The following COL23A1 variants were observed in gnomAD, a reference collection of about 807,000 sequenced individuals.
The protein encoded by COL23A1 is collagen type XXIII alpha 1 chain.
COL23A1 carries 97 observed loss-of-function variants against 99.3 expected under a neutral mutation model. That is an observed-to-expected ratio of 0.98 (90% confidence interval 0.83 to 1.16). The LOEUF (loss-of-function observed/expected upper bound fraction) is 1.16, where lower values mean the gene tolerates loss of function less well. Ranked by LOEUF, COL23A1 falls within the 50% of genes most tolerant of loss-of-function variation. COL23A1 has a pLI of 0.00. For missense variants in COL23A1, 762 were observed against 757.4 expected, an observed-to-expected ratio of 1.01 and a Z score of -0.07; for synonymous variants, 320 against 308.2, an observed-to-expected ratio of 1.04 and a Z score of -0.40.
Position 178,268,748 on chromosome 5 carries a change from TG to T in COL23A1, c.476del (p.Pro159GlnfsTer150), listed in dbSNP as rs1756051449. 2 of 1,603,528 alleles carry T rather than the reference TG, an allele frequency of 1.2e-6. No homozygotes were observed. The highest frequency in any genetic ancestry group is 2.2e-5 in the East Asian group (1 of 44,536). ...CACTTACCTTTTCCCCTTTCGGGCC[TG>T]GAAGTCCCTGGAAAAGGAAAGTGGA... Reference protein sequence around the residue: ...PLGLDGKPGLPGPKGEKGAPG... With the variant: ...PLGLDGKPGLXGPKGEKGAPG... On this transcript the variant is annotated frameshift_variant, in exon 7 of 29. Transcript: ENST00000390654. LOFTEE classifies it high-confidence loss of function.
At chr5:178,257,594 C>G (rs1470281896) in intron 12 of COL23A1, 27 bp from the exon 13 acceptor site, 1 of 1,551,814 alleles carries the variant, frequency 6.4e-7, no homozygotes, top group Non-Finnish European at 8.7e-7. Flanking sequence ...TGGGGCTTGC[C>G]GGTCAGACCC....
At position 178,544,663 on chromosome 5, in the gene COL23A1, G is replaced by A. The variant is rs115859817; in HGVS notation, c.361+16019C>T. 6.7e-3 allele frequency among the ~76,000 whole-genome samples: 1,017 copies of A among 152,290 alleles called. 13 individuals carry two copies. The highest frequency in any genetic ancestry group is 0.023 in the African/African-American group (940 of 41,552). On this transcript the variant is annotated intron_variant, in intron 2 of 28. Transcript: ENST00000390654. The surrounding 1 kb of genome is among the most constrained non-coding windows in gnomAD (Gnocchi z 4.4). ...GTGAGACGGGCGGTGCCACAAATGG[G>A]AGGTGACGATCAGGGGCGGTCACCT...
rs986384972 is a variant in COL23A1 at position 178,291,037 on chromosome 5, T to C, written c.407-668A>G. ...TGAGAGGTCTGATGAACATCTCCAC[T>C]GGACAGCTGATAACGCAGAGGCTCA... On this transcript the variant is annotated intron_variant, in intron 3 of 28. Transcript: ENST00000390654. Among the ~76,000 whole-genome samples, 3 of 152,232 alleles carry C rather than the reference T, an allele frequency of 2.0e-5. No homozygotes were observed. The East Asian group carries it at 5.8e-4, about 29-fold the overall frequency.
chr5:178,514,307 T>C (rs1344453430), intron 2 of COL23A1, among the ~76,000 whole-genome samples: 1 of 152,228 alleles, frequency 6.6e-6, no homozygotes, highest in Non-Finnish European at 1.5e-5. Flanking sequence ...CGCTTATCCC[T>C]TCTTCCATCA....
chr5:178,511,727 C>CA (rs1351439033), intron 2 of COL23A1, among the ~76,000 whole-genome samples: 8 of 152,170 alleles, frequency 5.3e-5, no homozygotes, highest in Admixed American at 2.0e-4. Flanking sequence ...ACAGGACCCC[C>CA]AAGCAGCTCC....
At chr5:178,431,144 C>G (rs1188377516) in intron 2 of COL23A1, among the ~76,000 whole-genome samples, 1 of 152,152 alleles carries the variant, frequency 6.6e-6, no homozygotes, top group South Asian at 2.1e-4. Context: ...GCTGAGGATG[C>G]TGAATGACAG....
intron 3 of COL23A1, among the ~76,000 whole-genome samples, chr5:178,293,109 G>A (rs556577683): frequency 6.6e-6 from 1 of 152,128 alleles, no homozygotes; most frequent in Non-Finnish European, 1.5e-5. Flanking sequence ...CTGCAAAGGG[G>A]AGGAAATGAA....
At chr5:178,466,109 G>A (rs912818939) in intron 2 of COL23A1, among the ~76,000 whole-genome samples, 13 of 152,228 alleles carry the variant, frequency 8.5e-5, no homozygotes, top group African/African-American at 2.2e-4. Context: ...CCTCCAAGCC[G>A]TGGGCCTCAG....
chr5:178,278,465 C>T (rs1384628818), intron 5 of COL23A1, among the ~76,000 whole-genome samples: 2 of 152,260 alleles, frequency 1.3e-5, no homozygotes, highest in South Asian at 2.1e-4. Context: ...GTGATGACTG[C>T]ATGTGCGGAA....
In COL23A1 at chr5:178,357,778, A is replaced by ATGTG. The variant is rs1554144847; in HGVS notation, c.362-50863_362-50860dup. Among the ~76,000 whole-genome samples the ATGTG allele has an allele frequency of 3.9e-4, 54 of 137,484 alleles. 1 individual carries two copies. Among genetic ancestry groups the ATGTG allele is most frequent in the Non-Finnish European group, 8.2e-4 (51 of 62,410 alleles). The allele number at this position is 137,484 out of a possible 152,430, so 90.2% of individuals were successfully genotyped here. A position where few individuals can be genotyped will look rare whatever the true frequency, so the allele number is the denominator to read the frequency against. ...TGTGTGTACGTGTATGTATGTGTGT[A>ATGTG]TGTGTATGTGTGTGTGTATGTGTGT... On this transcript the variant is annotated intron_variant, in intron 2 of 28. Transcript: ENST00000390654.
intron 1 of COL23A1, among the ~76,000 whole-genome samples, chr5:178,562,893 A>G (rs1762673011): frequency 6.6e-6 from 1 of 152,150 alleles, no homozygotes; most frequent in African/African-American, 2.4e-5. Context: ...GTGCATTTTT[A>G]CAGAGCACTG....
chr5:178,485,580 C>T (rs1253553976), intron 2 of COL23A1, among the ~76,000 whole-genome samples: 1 of 152,108 alleles, frequency 6.6e-6, no homozygotes, highest in Non-Finnish European at 1.5e-5. Context: ...CGAGACCAGC[C>T]TGGCCAACAT....
chr5:178,580,579 C>T (rs1339213005), intron 1 of COL23A1, among the ~76,000 whole-genome samples: 1 of 152,104 alleles, frequency 6.6e-6, no homozygotes, highest in South Asian at 2.1e-4. Flanking sequence ...CCTGATTCAA[C>T]ACATGATGAA....
At chr5:178,254,503 A>G (rs1460254588) in intron 16 of COL23A1, among the ~76,000 whole-genome samples, 1 of 152,102 alleles carries the variant, frequency 6.6e-6, no homozygotes, top group Non-Finnish European at 1.5e-5. Flanking sequence ...ACTGGTGGTA[A>G]GTCCCAAGTT....
chr5:178,298,916 C>T (rs1158375613), intron 3 of COL23A1, among the ~76,000 whole-genome samples: 1 of 152,182 alleles, frequency 6.6e-6, no homozygotes, highest in African/African-American at 2.4e-5. Context: ...GCTTTATCTG[C>T]ATTTACTGAG....
intron 2 of COL23A1, among the ~76,000 whole-genome samples, chr5:178,442,258 G>A (rs1200328617): frequency 1.3e-5 from 2 of 148,770 alleles, no homozygotes; most frequent in Admixed American, 1.3e-4. Flanking sequence ...GCCTGTCTGA[G>A]GCACAGAAGT....
intron 2 of COL23A1, among the ~76,000 whole-genome samples, chr5:178,327,377 A>G (rs954919551): frequency 3.3e-5 from 5 of 152,146 alleles, no homozygotes; most frequent in African/African-American, 4.8e-5. Context: ...CTGGGTACAG[A>G]AGGGGCTACG....
chr5:178,572,072 C>CAAAAAAAAAACA (rs1554199039), intron 1 of COL23A1, among the ~76,000 whole-genome samples: 2 of 109,496 alleles, frequency 1.8e-5, no homozygotes, highest in African/African-American at 7.8e-5. Flanking sequence ...TTTCTCAAAA[C>CAAAAAAAAAACA]AAAAAAAAAA....
At chr5:178,261,498 G>T (rs995320262) in intron 11 of COL23A1, among the ~76,000 whole-genome samples, 2 of 152,112 alleles carry the variant, frequency 1.3e-5, no homozygotes, top group African/African-American at 4.8e-5. Flanking sequence ...TCGCAACTCA[G>T]TGTGAAAAAG....
Sources: allele counts gnomAD v4.1 joint callset (sites outside exome capture counted in the v4.1 genomes callset), GRCh38; gene constraint gnomAD v4.1.1; non-coding constraint Gnocchi (gnomAD v3.1); transcripts MANE v1.5; gene names NCBI Gene and HGNC (gene_info 2026-07-23, HGNC 2026-07-21).